The following ITGB6 variants were observed in gnomAD, a reference collection of about 807,000 sequenced individuals.
ITGB6 encodes integrin subunit beta 6, also known as integrin beta-6.
In ITGB6, 80 loss-of-function variants were observed where a neutral mutation model predicts 84.5. That is an observed-to-expected ratio of 0.95 (90% CI 0.79 to 1.14). The LOEUF (loss-of-function observed/expected upper bound fraction) is 1.14, where lower values mean the gene tolerates loss of function less well. Ranked by LOEUF, ITGB6 falls within the 50% of genes most tolerant of loss-of-function variation. The pLI, the probability that ITGB6 is intolerant of heterozygous loss-of-function variation, is 0.00. For synonymous variants in ITGB6, 383 were observed against 354.9 expected (o/e 1.08, Z -0.89); for missense variants, 1,006 against 968.0 (o/e 1.04, Z -0.52).
chr2:160,158,387 G>C (rs188504877), intron 7 of ITGB6, among the ~76,000 whole-genome samples: 1 of 152,306 alleles, frequency 6.6e-6, no homozygotes, highest in Admixed American at 6.5e-5. Flanking sequence ...TGGATCCACC[G>C]TGCATGACTG....
intron 4 of ITGB6, among the ~76,000 whole-genome samples, chr2:160,192,553 T>C (rs893048624): frequency 2.0e-5 from 3 of 152,114 alleles, no homozygotes; most frequent in African/African-American, 7.2e-5. Context: ...TTGTGATCTT[T>C]ACAGTAAGCA....
chr2:160,148,234 G>A (rs1559153981), intron 7 of ITGB6, among the ~76,000 whole-genome samples: 1 of 152,144 alleles, frequency 6.6e-6, no homozygotes, highest in African/African-American at 2.4e-5. Context: ...AGCAGGTAAA[G>A]GCAAATTAAA....
intron 12 of ITGB6, among the ~76,000 whole-genome samples, chr2:160,114,138 G>C (rs147384682): frequency 6.6e-6 from 1 of 152,268 alleles, no homozygotes; most frequent in East Asian, 1.9e-4. Flanking sequence ...GGTTATTTAA[G>C]TGTTAATGGA....
intron 6 of ITGB6, among the ~76,000 whole-genome samples, chr2:160,170,955 C>A (rs1327148981): frequency 6.6e-6 from 1 of 152,132 alleles, no homozygotes; most frequent in African/African-American, 2.4e-5. Context: ...TTGCCCCTCA[C>A]TGACTAAAAG....
In ITGB6 at chr2:160,126,456, A is replaced by G; in HGVS notation, c.1806T>C (p.Cys602=). ...CTGAGGCTCCAGGGTTTGTGCAAACACACTTGCCACAAACACAGTCCCCGC... is the reference window on the plus strand; with the variant it reads ...CTGAGGCTCCAGGGTTTGTGCAAACGCACTTGCCACAAACACAGTCCCCGC... The part of the protein sequence containing the change: ...SGRGDCVCGK[C]VCTNPGASGP... Residue 602 remains cysteine (C), a synonymous_variant, in exon 11 of 15, where the codon TGT becomes TGC. Coordinates refer to ENST00000283249, the MANE Select transcript of ITGB6 (RefSeq NM_000888.5). 6.2e-7 allele frequency: 1 copy of G among 1,614,220 alleles called. No homozygotes were observed. Among genetic ancestry groups the G allele is most frequent in the Non-Finnish European group, 8.5e-7 (1 of 1,180,032 alleles).
Position 160,112,232 on chromosome 2 carries a change from CA to C in ITGB6, c.1982-34del, listed in dbSNP as rs66470452. ...TAAAGGAGTCATTCATTAGGTTAAACAAGATTCCAAAAGAGATTGTTTTTAA... is the reference window on the plus strand; with the variant it reads ...TAAAGGAGTCATTCATTAGGTTAAACAGATTCCAAAAGAGATTGTTTTTAA... On this transcript the variant is annotated intron_variant, in intron 12 of 14. Coordinates refer to ENST00000283249, the MANE Select transcript of ITGB6 (RefSeq NM_000888.5). The C allele has an allele frequency of 0.65, 1,027,669 of 1,578,190 alleles. 341,656 individuals are homozygous for C. The highest frequency in any genetic ancestry group is 0.74 in the Admixed American group (40,147 of 54,524).
chr2:160,112,631 A>G (rs892587670), intron 12 of ITGB6, among the ~76,000 whole-genome samples: 3 of 152,172 alleles, frequency 2.0e-5, no homozygotes, highest in African/African-American at 7.2e-5. Flanking sequence ...CTTTCTCACA[A>G]CGACATAGTC....
At position 160,149,184 on chromosome 2, in the gene ITGB6, C is replaced by G. The variant is rs574210556; in HGVS notation, c.1018-7113G>C. The stretch of plus-strand genomic sequence containing the variant: ...ATCCCCATGTAGCCTAACTGGGAGA[C>G]ACCTCCCAGTAGGGGCCGACAGACA... On this transcript the variant is annotated intron_variant, in intron 7 of 14. Coordinates refer to ENST00000283249, the MANE Select transcript of ITGB6 (RefSeq NM_000888.5). 1.2e-4 allele frequency among the ~76,000 whole-genome samples: 19 copies of G among 152,354 alleles called. No individual in the cohort carries two copies. The East Asian group carries it at 3.7e-3, about 29-fold the overall frequency.
chr2:160,171,028 T>A (rs1685178878), intron 6 of ITGB6, among the ~76,000 whole-genome samples: 1 of 152,178 alleles, frequency 6.6e-6, no homozygotes, highest in African/African-American at 2.4e-5. Context: ...GATTAAAGAA[T>A]ATACACATTT....
chr2:160,110,309 T>C (rs1245850452), intron 13 of ITGB6, among the ~76,000 whole-genome samples: 1 of 152,210 alleles, frequency 6.6e-6, no homozygotes, highest in Non-Finnish European at 1.5e-5. Context: ...TATATGGTTG[T>C]TAAGAATATT....
chr2:160,144,407 C>G (rs1574082472), intron 7 of ITGB6, among the ~76,000 whole-genome samples: 1 of 152,146 alleles, frequency 6.6e-6, no homozygotes, highest in African/African-American at 2.4e-5. Flanking sequence ...ACGGACTTAC[C>G]TTTTCAAATA....
chr2:160,178,604 G>A (rs954597496), intron 4 of ITGB6, among the ~76,000 whole-genome samples: 1 of 151,886 alleles, frequency 6.6e-6, no homozygotes, highest in African/African-American at 2.4e-5. Context: ...GATGGCTCAC[G>A]CCAGGGAATT....
intron 12 of ITGB6, among the ~76,000 whole-genome samples, chr2:160,117,869 A>G (rs1173402403): frequency 6.6e-6 from 1 of 152,268 alleles, no homozygotes; most frequent in Non-Finnish European, 1.5e-5. Context: ...AACTACCATC[A>G]GAGAATACTA....
In ITGB6 at chr2:160,138,082, T is replaced by G. The variant is rs755020309; in HGVS notation, c.1225A>C (p.Met409Leu). Residue 409 changes from methionine (M) to leucine (L), a missense_variant, in exon 9 of 15, where the codon ATG (methionine) becomes CTG (leucine). Met to Leu is a conservative substitution (Grantham distance 15, BLOSUM62 2). Transcript: ENST00000283249. The stretch of plus-strand genomic sequence containing the variant: ...CTACTTACTGTGTCTCCCACTTTCA[T>G]GTGAGAGCATTTCTTTTGGTGTTGG... ...LFQHQKKCSH[M>L]KVGDTASFSV... is the part of the protein sequence containing the mutation. The G allele has an allele frequency of 6.2e-7, 1 of 1,613,044 alleles. No individual in the cohort carries two copies. The highest frequency in any genetic ancestry group is 2.2e-5 in the East Asian group (1 of 44,892).
At chr2:160,136,170 A>G (rs1683705140) in intron 10 of ITGB6, among the ~76,000 whole-genome samples, 1 of 152,238 alleles carries the variant, frequency 6.6e-6, no homozygotes, top group Non-Finnish European at 1.5e-5. Flanking sequence ...CAAAGGGCTA[A>G]CATCCAGAAT....
At chr2:160,117,457 T>A (rs1453420307) in intron 12 of ITGB6, among the ~76,000 whole-genome samples, 1 of 152,126 alleles carries the variant, frequency 6.6e-6, no homozygotes, top group Non-Finnish European at 1.5e-5. Flanking sequence ...AGATGTTCTT[T>A]GAAACCAGCG....
intron 12 of ITGB6, among the ~76,000 whole-genome samples, chr2:160,113,521 C>T (rs1189387785): frequency 1.3e-5 from 2 of 152,094 alleles, no homozygotes; most frequent in African/African-American, 4.8e-5. Context: ...GTTTTTGAAC[C>T]CATTAGAAAC....
intron 2 of ITGB6, 62 bp downstream of exon 2, chr2:160,199,117 G>A (rs984791531): frequency 1.5e-6 from 2 of 1,331,602 alleles, no homozygotes; most frequent in African/African-American, 2.9e-5. Flanking sequence ...TATCACTGAG[G>A]AAATTAACAT....
chr2:160,190,987 A>G (rs892457975), intron 4 of ITGB6, among the ~76,000 whole-genome samples: 3 of 152,136 alleles, frequency 2.0e-5, no homozygotes, highest in Non-Finnish European at 4.4e-5. Flanking sequence ...TAATCTCTCT[A>G]TGGAAGCTTA....
Sources: allele counts gnomAD v4.1 joint callset (sites outside exome capture counted in the v4.1 genomes callset), GRCh38; gene constraint gnomAD v4.1.1; transcripts MANE v1.5; gene names NCBI Gene and HGNC (gene_info 2026-07-23, HGNC 2026-07-21).